Variants in MAP7 observed in about 807,000 individuals in gnomAD.
MAP7 encodes ensconsin.
A neutral mutation model predicts 94.8 loss-of-function variants in MAP7; 52 were observed. The ratio of observed to expected loss-of-function variants is 0.55; its 90% confidence interval spans 0.44 to 0.69. The LOEUF (loss-of-function observed/expected upper bound fraction) is 0.69. MAP7 is among the 30% of genes least tolerant of loss of function. The probability of loss-of-function intolerance (pLI) is 0.00; values close to 1 mark genes in which losing one functional copy is unlikely to be tolerated. For missense variants in MAP7, 940 were observed against 964.6 expected (o/e 0.97, Z 0.34); for synonymous variants, 350 against 357.0 (o/e 0.98, Z 0.22).
chr6:136,403,972 G>A (rs905048344), intron 3 of MAP7, among the ~76,000 whole-genome samples: 21 of 152,210 alleles, frequency 1.4e-4, no homozygotes, highest in African/African-American at 4.8e-4. Flanking sequence ...TGCAGATGCT[G>A]AGACTGGTAA....
At chr6:136,451,412 G>A (rs1801077767) in intron 1 of MAP7, among the ~76,000 whole-genome samples, 1 of 152,158 alleles carries the variant, frequency 6.6e-6, no homozygotes, top group Non-Finnish European at 1.5e-5. Flanking sequence ...GTCCACTGTT[G>A]AGACCTGCTG....
In MAP7 at chr6:136,544,235, TA is replaced by T. The variant is rs374659561; in HGVS notation, c.67+6106del. Among the ~76,000 whole-genome samples the T allele has an allele frequency of 5.0e-4, 76 of 152,322 alleles. 1 individual carries two copies. The South Asian group carries it at 8.5e-3, about 17-fold the overall frequency. ...CCGCACCTGGACTGTACGCAAATTT[TA>T]GAATAGATTTTTTAAAATCCCTCTG... On this transcript the variant is annotated intron_variant, in intron 1 of 17. Coordinates refer to ENST00000354570, the MANE Select transcript of MAP7 (RefSeq NM_003980.6).
At chr6:136,461,938 C>CT (rs937743916) in intron 1 of MAP7, among the ~76,000 whole-genome samples, 5 of 152,076 alleles carry the variant, frequency 3.3e-5, no homozygotes, top group Admixed American at 6.5e-5. Context: ...TATTTTAAAA[C>CT]TTTAAGTTTT....
intron 1 of MAP7, among the ~76,000 whole-genome samples, chr6:136,425,486 T>G (rs1792870986): frequency 6.6e-6 from 1 of 152,182 alleles, no homozygotes. Context: ...ACTTTTATGT[T>G]TCAATCTAAT....
At chr6:136,383,518 G>A (rs1188341514) in intron 6 of MAP7, among the ~76,000 whole-genome samples, 153 bp downstream of exon 6, 1 of 152,206 alleles carries the variant, frequency 6.6e-6, no homozygotes, top group African/African-American at 2.4e-5. Context: ...ATGCTGCTCA[G>A]CCGTTTATTG....
At chr6:136,488,279 G>A (rs563445935) in intron 1 of MAP7, among the ~76,000 whole-genome samples, 1 of 152,062 alleles carries the variant, frequency 6.6e-6, no homozygotes, top group South Asian at 2.1e-4. Context: ...ATCAACTGTA[G>A]GAGAAGAAAA....
chr6:136,377,903 A>G, intron 6 of MAP7, 35 bp from the exon 7 acceptor site: 3 of 1,488,726 alleles, frequency 2.0e-6, no homozygotes, highest in Non-Finnish European at 2.8e-6. Flanking sequence ...TGTTAGAAGC[A>G]TTCTTTTCAG....
intron 1 of MAP7, among the ~76,000 whole-genome samples, chr6:136,473,923 A>G (rs897523859): frequency 6.6e-6 from 1 of 152,078 alleles, no homozygotes; most frequent in Non-Finnish European, 1.5e-5. Flanking sequence ...CAGATAATAT[A>G]TGAGAGAACA....
intron 1 of MAP7, among the ~76,000 whole-genome samples, chr6:136,543,318 A>C (rs1015276026): frequency 2.6e-5 from 4 of 152,224 alleles, no homozygotes; most frequent in African/African-American, 9.6e-5. Flanking sequence ...GAATCTCAAA[A>C]ACATGATGCC....
intron 3 of MAP7, among the ~76,000 whole-genome samples, chr6:136,401,522 A>C (rs993627227): frequency 3.0e-4 from 46 of 152,332 alleles, no homozygotes; most frequent in African/African-American, 1.1e-3. Context: ...TGAGCAAACT[A>C]TCGCAAGGAC....
intron 1 of MAP7, among the ~76,000 whole-genome samples, chr6:136,435,657 G>C (rs1796192207): frequency 6.6e-6 from 1 of 152,104 alleles, no homozygotes; most frequent in South Asian, 2.1e-4. Context: ...ATTTCAAAAG[G>C]GTGTGTGCTT....
chr6:136,432,548 G>C (rs775161235), intron 1 of MAP7, among the ~76,000 whole-genome samples: 3 of 152,038 alleles, frequency 2.0e-5, no homozygotes, highest in Non-Finnish European at 2.9e-5. Flanking sequence ...AATGTGAAAG[G>C]TTCCCCGATC....
intron 3 of MAP7, among the ~76,000 whole-genome samples, chr6:136,409,684 G>A (rs1203509726): frequency 6.6e-6 from 1 of 152,204 alleles, no homozygotes; most frequent in Admixed American, 6.5e-5. Context: ...CACCTCTACA[G>A]GCTCTCAATG....
intron 2 of MAP7, chr6:136,420,248 C>G: frequency 1.0e-6 from 1 of 986,536 alleles, no homozygotes; most frequent in South Asian, 1.3e-5. Flanking sequence ...GACAGGGCCG[C>G]GCCAGGTAAA....
chr6:136,498,062 CTT>C (rs1407856481), intron 1 of MAP7, among the ~76,000 whole-genome samples: 1 of 152,018 alleles, frequency 6.6e-6, no homozygotes, highest in East Asian at 1.9e-4. Context: ...AGGTGAGAGA[CTT>C]TATCCTTTTC....
chr6:136,469,430 G>A (rs1808242237), intron 1 of MAP7, among the ~76,000 whole-genome samples: 1 of 151,632 alleles, frequency 6.6e-6, no homozygotes, highest in African/African-American at 2.4e-5. Context: ...CACCCAGGCT[G>A]CAGTGCAGTG....
rs1234533914 is a variant in MAP7, at chr6:136,550,335, C to A, written c.67+7G>T. The A allele has an allele frequency of 1.3e-6, 2 of 1,514,476 alleles. No homozygotes were observed. The highest frequency in any genetic ancestry group is 1.4e-5 in the African/African-American group (1 of 69,780). 93.8% of individuals were successfully genotyped at this position (1,514,476 alleles called of 1,614,324 possible). ...CGGGACCCCCACTATCCCCGCTGTG[C>A]GGTCACCTGTTTCGCTTCGCACTGC... On this transcript the variant is annotated splice_region_variant and intron_variant, in intron 1 of 17. Transcript: ENST00000354570. This position sits in a 1 kb window ranked among gnomAD's most constrained non-coding sequence, Gnocchi z 5.1.
chr6:136,460,323 A>T lies in MAP7; in HGVS notation c.68-38524T>A, dbSNP rs924273662. The stretch of plus-strand genomic sequence containing the variant: ...TGATGCTGAGAGGGAATACATGAAA[A>T]TTGCTAAAGCTGCATTAGGGTGAAG... On this transcript the variant is annotated intron_variant, in intron 1 of 17. Transcript: ENST00000354570. 7.9e-5 allele frequency among the ~76,000 whole-genome samples: 12 copies of T among 152,272 alleles called. No individual in the cohort carries two copies. The East Asian group carries it at 2.3e-3, about 29-fold the overall frequency.
In MAP7 at chr6:136,388,469, G is replaced by A. The variant is rs1385562842; in HGVS notation, c.450C>T (p.Ser150=). ...EAVVRRTMER[S]QKPKQKHNRW... ...GGTTATGCTTCTGTTTTGGCTTCTG[G>A]CTCCTTTCCATTGTGCGCCGTACAA... Residue 150 remains serine (S), a synonymous_variant, in exon 5 of 18, where the codon AGC becomes AGT. Transcript: ENST00000354570. The A allele has an allele frequency of 6.2e-7, 1 of 1,614,100 alleles. No individual in the cohort carries two copies. The highest frequency in any genetic ancestry group is 8.5e-7 in the Non-Finnish European group (1 of 1,179,990).
Sources: gnomAD v4.1 joint callset for allele counts (sites outside exome capture counted in the v4.1 genomes callset) on GRCh38, gnomAD v4.1.1 for gene constraint, Gnocchi (gnomAD v3.1) non-coding constraint, MANE v1.5 for transcripts, NCBI Gene and HGNC (gene_info 2026-07-23, HGNC 2026-07-21) for gene names.